THSD4: variants seen among roughly 807,000 people sequenced by gnomAD.
THSD4 encodes thrombospondin type-1 domain-containing protein 4.
Under a neutral mutation model 119.0 loss-of-function variants are expected in THSD4, and 69 were observed. That is an observed-to-expected ratio of 0.58 (90% CI 0.48 to 0.71). The LOEUF (loss-of-function observed/expected upper bound fraction) is 0.71, where lower values mean the gene tolerates loss of function less well. THSD4 is among the 30% of genes least tolerant of loss of function. THSD4 has a pLI of 0.00. For missense variants in THSD4, 1,393 were observed against 1,391.1 expected (o/e 1.00, Z -0.02); for synonymous variants, 524 against 540.4 (o/e 0.97, Z 0.42).
chr15:71,455,344 T>C (rs1270534333), intron 7 of THSD4, among the ~76,000 whole-genome samples: 1 of 152,230 alleles, frequency 6.6e-6, no homozygotes, highest in Admixed American at 6.5e-5. Flanking sequence ...GCTTGTCATG[T>C]AGTCGTGTTT....
At chr15:71,487,543 C>T (rs1187864671) in intron 7 of THSD4, among the ~76,000 whole-genome samples, 1 of 152,126 alleles carries the variant, frequency 6.6e-6, no homozygotes, top group Non-Finnish European at 1.5e-5. Context: ...AGGGCCAAAG[C>T]AACATGGTAT....
intron 7 of THSD4, among the ~76,000 whole-genome samples, chr15:71,530,150 G>A (rs1343292625): frequency 1.5e-5 from 2 of 129,900 alleles, no homozygotes; most frequent in African/African-American, 6.4e-5. Context: ...AAACACCCCT[G>A]TTAGAAATTA....
chr15:71,456,216 A>G (rs1230457010), intron 7 of THSD4, among the ~76,000 whole-genome samples: 1 of 152,250 alleles, frequency 6.6e-6, no homozygotes, highest in African/African-American at 2.4e-5. Context: ...GTGCTAATGC[A>G]GCACACCATG....
rs113422497 is a variant in THSD4 at position 71,211,637 on chromosome 15, G to C, written c.100-3398G>C. The stretch of plus-strand genomic sequence containing the variant: ...CTTCAATATATGAATGGTGGGGAGG[G>C]ACAGGTTCAGTCCACAACACCTGTG... On this transcript the variant is annotated intron_variant, in intron 3 of 17. Coordinates refer to ENST00000261862, the MANE Select transcript of THSD4 (RefSeq NM_024817.3). Among the ~76,000 whole-genome samples the C allele has an allele frequency of 6.4e-3, 969 of 152,254 alleles. 7 individuals carry two copies. Among genetic ancestry groups the C allele is most frequent in the African/African-American group, 0.022 (901 of 41,540 alleles).
intron 3 of THSD4, among the ~76,000 whole-genome samples, chr15:71,155,737 G>A (rs564881466): frequency 1.3e-5 from 2 of 152,308 alleles, no homozygotes; most frequent in African/African-American, 4.8e-5. Flanking sequence ...TGCTATGCAA[G>A]AGAACCCCCT....
At chr15:71,488,901 G>A (rs2140690171) in intron 7 of THSD4, among the ~76,000 whole-genome samples, 1 of 152,226 alleles carries the variant, frequency 6.6e-6, no homozygotes, top group African/African-American at 2.4e-5. Flanking sequence ...AATATCTGAT[G>A]TTATTTTTAT....
intron 7 of THSD4, among the ~76,000 whole-genome samples, chr15:71,617,473 C>G (rs1051680899): frequency 6.6e-6 from 1 of 152,054 alleles, no homozygotes. Context: ...TTTAAACTTT[C>G]CCAGGACTCA....
chr15:71,260,966 G>GT (rs1232198282), intron 6 of THSD4, among the ~76,000 whole-genome samples: 1 of 152,180 alleles, frequency 6.6e-6, no homozygotes, highest in Non-Finnish European at 1.5e-5. Flanking sequence ...CCTGGGTTTG[G>GT]TGGCACATGC....
intron 7 of THSD4, among the ~76,000 whole-genome samples, chr15:71,599,023 G>C (rs1367336114): frequency 1.3e-5 from 2 of 152,136 alleles, no homozygotes; most frequent in African/African-American, 4.8e-5. Flanking sequence ...AATCCGATTT[G>C]CTCCGACCTT....
At chr15:71,554,389 C>T (rs918832670) in intron 7 of THSD4, among the ~76,000 whole-genome samples, 16 of 151,462 alleles carry the variant, frequency 1.1e-4, no homozygotes, top group Non-Finnish European at 1.0e-4. Context: ...GACACCATGC[C>T]CCGGTTTTTT....
In THSD4 at chr15:71,419,398, G is replaced by T. The variant is rs1453135101; in HGVS notation, c.1152+7575G>T. ...TAAATTTTTGTAGAGATGGGATCTC[G>T]CTATGATGCCTAGGCTGGTCTTGAA... On this transcript the variant is annotated intron_variant, in intron 7 of 17. Coordinates refer to ENST00000261862, the MANE Select transcript of THSD4 (RefSeq NM_024817.3). Among the ~76,000 whole-genome samples the T allele has an allele frequency of 2.8e-5, 3 of 105,764 alleles. 1 individual carries two copies. Among genetic ancestry groups the T allele is most frequent in the Admixed American group, 1.2e-4 (1 of 8,066 alleles). 69.4% of individuals were successfully genotyped at this position (105,764 alleles called of 152,430 possible).
At chr15:71,610,901 A>G (rs2050211873) in intron 7 of THSD4, among the ~76,000 whole-genome samples, 1 of 152,170 alleles carries the variant, frequency 6.6e-6, no homozygotes, top group Non-Finnish European at 1.5e-5. Context: ...ATGTATGTAG[A>G]TATCCACATG....
In THSD4 at chr15:71,420,813, T is replaced by C. The variant is rs540206980; in HGVS notation, c.1152+8990T>C. 3.7e-5 allele frequency among the ~76,000 whole-genome samples: 4 copies of C among 107,050 alleles called. 1 individual carries two copies. The highest frequency in any genetic ancestry group is 4.1e-3 in the Middle Eastern group (1 of 242). The allele number at this position is 107,050 out of a possible 152,430, so 70.2% of individuals were successfully genotyped here. ...TAACATTTTGTTGTTTCTATTTATA[T>C]CTTATTGTACTGTCTGTGTCTTGAA... On this transcript the variant is annotated intron_variant, in intron 7 of 17. Coordinates refer to ENST00000261862, the MANE Select transcript of THSD4 (RefSeq NM_024817.3).
intron 7 of THSD4, among the ~76,000 whole-genome samples, chr15:71,500,488 T>A (rs4502170): frequency 1.3e-5 from 2 of 152,186 alleles, no homozygotes; most frequent in Admixed American, 1.3e-4. Flanking sequence ...TGATATAATA[T>A]CATTTGTCTA....
chr15:71,236,096 G>T (rs11853555), intron 4 of THSD4, among the ~76,000 whole-genome samples: 42,614 of 152,026 alleles, frequency 0.28, 6,582 homozygotes, highest in South Asian at 0.48. Flanking sequence ...GCTGTGGCCC[G>T]TGTGGGGTTC....
intron 7 of THSD4, among the ~76,000 whole-genome samples, chr15:71,629,756 C>T (rs940641588): frequency 2.6e-5 from 4 of 152,176 alleles, no homozygotes; most frequent in African/African-American, 7.2e-5. Flanking sequence ...ACCTCCCTTG[C>T]CCCCATCCCA....
intron 8 of THSD4, among the ~76,000 whole-genome samples, chr15:71,693,281 A>C (rs899359989): frequency 6.6e-6 from 1 of 152,226 alleles, no homozygotes; most frequent in African/African-American, 2.4e-5. Flanking sequence ...AGGCAGAAGG[A>C]AAAGGAGGTC....
At chr15:71,231,738 G>A (rs1370361744) in intron 4 of THSD4, among the ~76,000 whole-genome samples, 1 of 152,160 alleles carries the variant, frequency 6.6e-6, no homozygotes, top group East Asian at 1.9e-4. Flanking sequence ...GACACTGTGT[G>A]CTGCACAGTA....
At chr15:71,723,403 A>T (rs1595890715) in intron 8 of THSD4, among the ~76,000 whole-genome samples, 1 of 152,188 alleles carries the variant, frequency 6.6e-6, no homozygotes, top group Non-Finnish European at 1.5e-5. Flanking sequence ...AATTATAAGT[A>T]AGGCAGAGCC....
Sources: allele counts gnomAD v4.1 joint callset (sites outside exome capture counted in the v4.1 genomes callset), GRCh38; gene constraint gnomAD v4.1.1; transcripts MANE v1.5; gene names NCBI Gene and HGNC (gene_info 2026-07-23, HGNC 2026-07-21).